The following PIGF variants were observed in gnomAD, a reference collection of about 807,000 sequenced individuals.
PIGF encodes the protein phosphatidylinositol glycan anchor biosynthesis class F.
PIGF carries 23 observed loss-of-function variants against 26.0 expected under a neutral mutation model. The ratio of observed to expected loss-of-function variants is 0.88; its 90% CI spans 0.64 to 1.25. The LOEUF (loss-of-function observed/expected upper bound fraction) is 1.25, where lower values mean the gene tolerates loss of function less well. Among genes scored for constraint, PIGF ranks in the 50% most tolerant of loss-of-function variants. PIGF has a pLI of 0.00. For synonymous variants in PIGF, 93 were observed against 92.6 expected (o/e 1.00, Z -0.03); for missense variants, 278 against 249.9 (o/e 1.11, Z -0.76).
In PIGF at chr2:46,581,057, T is replaced by G; in HGVS notation, c.*421A>C. The G allele has an allele frequency of 2.6e-6, 4 of 1,560,350 alleles. No individual in the cohort carries two copies. The highest frequency in any genetic ancestry group is 3.4e-6 in the Non-Finnish European group (4 of 1,160,422). On this transcript the variant is annotated 3_prime_UTR_variant, in exon 6 of 6. Transcript: ENST00000281382. ...TGTAAAAAAAAGAATAGGATCAAGA[T>G]GTATAAACTGTTGTTTAATTACGTG...
intron 5 of PIGF, among the ~76,000 whole-genome samples, chr2:46,586,460 A>G (rs1470186139): frequency 2.0e-5 from 3 of 152,150 alleles, no homozygotes; most frequent in Non-Finnish European, 4.4e-5. Context: ...TATTACTTAT[A>G]ATTTTGGGGG....
intron 5 of PIGF, chr2:46,591,628 G>C: frequency 3.2e-6 from 3 of 933,240 alleles, no homozygotes; most frequent in Non-Finnish European, 3.8e-6. Flanking sequence ...TAATCTAAAT[G>C]ATCAATAGTG....
chr2:46,581,782 T>C (rs756038604), intron 5 of PIGF, 191 bp from the exon 6 acceptor site: 12 of 710,006 alleles, frequency 1.7e-5, no homozygotes, highest in Admixed American at 7.7e-5. Flanking sequence ...TGCATTAAAC[T>C]GTAACAAGGC....
rs779754666 is a variant in PIGF at position 46,588,181 on chromosome 2, T to G, written c.546+4294A>C. 11 of 1,611,832 alleles carry G rather than the reference T, an allele frequency of 6.8e-6. No homozygotes were observed. The Admixed American group carries it at 1.3e-4, about 20-fold the overall frequency. On this transcript the variant is annotated intron_variant, in intron 5 of 5. Transcript: ENST00000281382. The surrounding 1 kb of genome is among the most constrained non-coding windows in gnomAD (Gnocchi z 4.1). ...GCTACGTTTTCTTTCTACTGTCATCTGAAATGTCAGACAGGATTGAAAATT... is the reference window on the plus strand; with the variant it reads ...GCTACGTTTTCTTTCTACTGTCATCGGAAATGTCAGACAGGATTGAAAATT...
At chr2:46,602,072 G>A (rs1226113864) in intron 4 of PIGF, among the ~76,000 whole-genome samples, 2 of 151,822 alleles carry the variant, frequency 1.3e-5, no homozygotes, top group Non-Finnish European at 2.9e-5. Flanking sequence ...TGCAATAACT[G>A]AATTAAATTA....
chr2:46,592,487 T>C lies in PIGF; in HGVS notation c.534A>G (p.Glu178=), dbSNP rs1669750864. Residue 178 remains glutamate (E), a synonymous_variant, in exon 5 of 6, where the codon GAA becomes GAG. Coordinates refer to ENST00000281382, the MANE Select transcript of PIGF (RefSeq NM_002643.4). ...LGALPIPLDW[E]RPWQVWPISC... Reference sequence around the variant, plus strand: ...AACTGAAACCAACCTGCCATGGTCTTTCCCAATCCAGTGGAATAGGAAGTG... The same window carrying C: ...AACTGAAACCAACCTGCCATGGTCTCTCCCAATCCAGTGGAATAGGAAGTG... 2 of 1,587,416 alleles carry C rather than the reference T, an allele frequency of 1.3e-6. No homozygotes were observed. Among genetic ancestry groups the C allele is most frequent in the Non-Finnish European group, 1.7e-6 (2 of 1,155,456 alleles).
intron 4 of PIGF, among the ~76,000 whole-genome samples, chr2:46,609,533 T>C (rs1488129824): frequency 2.6e-5 from 4 of 152,258 alleles, no homozygotes; most frequent in Non-Finnish European, 5.9e-5. Context: ...GTCTCAGTTC[T>C]TGACAACTTA....
chr2:46,609,690 C>T (rs919628050), intron 4 of PIGF, among the ~76,000 whole-genome samples: 10 of 147,964 alleles, frequency 6.8e-5, no homozygotes, highest in African/African-American at 1.5e-4. Context: ...GGAACAGGGA[C>T]GGGAGAGAGA....
chr2:46,598,140 G>A (rs1444503442), intron 4 of PIGF, among the ~76,000 whole-genome samples: 1 of 151,782 alleles, frequency 6.6e-6, no homozygotes, highest in Non-Finnish European at 1.5e-5. Context: ...CTTCCGTTGA[G>A]TATTTTTATT....
chr2:46,592,041 T>C (rs1669737091), intron 5 of PIGF: 1 of 1,152,530 alleles, frequency 8.7e-7, no homozygotes, highest in Admixed American at 2.5e-5. Flanking sequence ...TCTGCAGCTA[T>C]TAACCTAGTT....
intron 4 of PIGF, among the ~76,000 whole-genome samples, chr2:46,608,438 A>G (rs1428351044): frequency 2.0e-5 from 3 of 152,202 alleles, no homozygotes; most frequent in African/African-American, 7.2e-5. Context: ...TTCATGAGGA[A>G]TGGAATCAGC....
At chr2:46,609,725 C>G (rs1339165744) in intron 4 of PIGF, among the ~76,000 whole-genome samples, 1 of 151,946 alleles carries the variant, frequency 6.6e-6, no homozygotes, top group East Asian at 1.9e-4. Context: ...GGGAGAGAGA[C>G]AGAGAGAACA....
At chr2:46,600,657 A>T (rs1045180667) in intron 4 of PIGF, among the ~76,000 whole-genome samples, 1 of 152,166 alleles carries the variant, frequency 6.6e-6, no homozygotes, top group Admixed American at 6.5e-5. Context: ...AACAAGGAGA[A>T]TCAGTAAGAA....
chr2:46,581,740 G>C, intron 5 of PIGF, 149 bp from the exon 6 acceptor site: 1 of 1,131,966 alleles, frequency 8.8e-7, no homozygotes, highest in Non-Finnish European at 1.2e-6. Context: ...CATTTATCAT[G>C]AACACTAAAA....
intron 4 of PIGF, among the ~76,000 whole-genome samples, chr2:46,605,851 T>G (rs1670205309): frequency 6.6e-6 from 1 of 152,190 alleles, no homozygotes; most frequent in Non-Finnish European, 1.5e-5. Flanking sequence ...CTCACTAGAT[T>G]GCTCTGAGAA....
rs1324961988 is a variant in PIGF, at chr2:46,616,984, C to G, written c.-36G>C. The G allele has an allele frequency of 9.2e-6, 5 of 541,250 alleles. No individual in the cohort carries two copies. Among genetic ancestry groups the G allele is most frequent in the African/African-American group, 5.9e-5 (3 of 51,128 alleles). 33.5% of individuals were successfully genotyped at this position (541,250 alleles called of 1,614,324 possible). On this transcript the variant is annotated 5_prime_UTR_variant, in exon 1 of 6. Transcript: ENST00000281382. Reference sequence around the variant, plus strand: ...GCGGGGCTTACCTAACTCTCCCTCCCGCGGAAGGGAAGCGGGGAACTACTG... The same window carrying G: ...GCGGGGCTTACCTAACTCTCCCTCCGGCGGAAGGGAAGCGGGGAACTACTG...
Position 46,588,224 on chromosome 2 carries a change from C to T in PIGF, c.546+4251G>A, listed in dbSNP as rs778114295. The stretch of plus-strand genomic sequence containing the variant: ...TGAAAATTATGTGAAATCCAAATAC[C>T]CTAAATTGGCATAACTAAATACCAG... On this transcript the variant is annotated intron_variant, in intron 5 of 5. Coordinates refer to ENST00000281382, the MANE Select transcript of PIGF (RefSeq NM_002643.4). This position sits in a 1 kb window ranked among gnomAD's most constrained non-coding sequence, Gnocchi z 4.1. 4 of 1,602,614 alleles carry T rather than the reference C, an allele frequency of 2.5e-6. No individual in the cohort carries two copies. The highest frequency in any genetic ancestry group is 2.6e-6 in the Non-Finnish European group (3 of 1,175,344).
intron 4 of PIGF, among the ~76,000 whole-genome samples, chr2:46,600,160 C>A (rs1456018): frequency 0.1 from 15,550 of 152,272 alleles, 902 homozygotes; most frequent in African/African-American, 0.16. Flanking sequence ...AGTGCACAGT[C>A]TGCCCCCTTA....
chr2:46,602,731 T>C (rs1670097838), intron 4 of PIGF, among the ~76,000 whole-genome samples: 1 of 151,934 alleles, frequency 6.6e-6, no homozygotes, highest in Non-Finnish European at 1.5e-5. Context: ...AACTTCAAAT[T>C]GAAATTTTAA....
Sources: gnomAD v4.1 joint callset for allele counts (sites outside exome capture counted in the v4.1 genomes callset) on GRCh38, gnomAD v4.1.1 for gene constraint, Gnocchi (gnomAD v3.1) non-coding constraint, MANE v1.5 for transcripts, NCBI Gene and HGNC (gene_info 2026-07-23, HGNC 2026-07-21) for gene names.